Variants in LAP3 observed in about 807,000 individuals in gnomAD.
LAP3 encodes the protein cytosol aminopeptidase.
In LAP3, 46 loss-of-function variants were observed where a neutral mutation model predicts 58.8. The ratio of observed to expected loss-of-function variants is 0.78; its 90% CI spans 0.62 to 1.00. LAP3 has a LOEUF of 1.00. LAP3 is among the 50% of genes least tolerant of loss of function. The pLI is 0.00. For synonymous variants in LAP3, 257 were observed against 237.7 expected, an observed-to-expected ratio of 1.08 and a Z score of -0.75; for missense variants, 615 against 659.1, an observed-to-expected ratio of 0.93 and a Z score of 0.73.
At chr4:17,594,595 G>A (rs1430114437) in intron 7 of LAP3, among the ~76,000 whole-genome samples, 1 of 152,206 alleles carries the variant, frequency 6.6e-6, no homozygotes, top group Non-Finnish European at 1.5e-5. Context: ...CCACTAGCTA[G>A]TTAGAAGCCT....
chr4:17,588,177 A>G lies in LAP3; in HGVS notation c.705-642A>G, dbSNP rs1261291006. Among the ~76,000 whole-genome samples the G allele has an allele frequency of 3.4e-5, 5 of 148,870 alleles. No homozygotes were observed. In the East Asian group the frequency reaches 1.0e-3, roughly 30 times the overall value. ...GCAGTAGCTAGGACAATAGGCAGGC[A>G]CCAACATGCCTGGCTAATTTTTTCT... On this transcript the variant is annotated intron_variant, in intron 6 of 12. Transcript: ENST00000226299.
Position 17,577,612 on chromosome 4 carries a change from C to T in LAP3, c.102+45C>T, listed in dbSNP as rs1348085029. On this transcript the variant is annotated intron_variant, in intron 1 of 12. Transcript: ENST00000226299. The stretch of plus-strand genomic sequence containing the variant: ...TCATGGTCCGCCGCTGGGGCCCTGC[C>T]CGTGGGCTACTGGGGCTGCGGGGCT... 2.8e-6 allele frequency: 4 copies of T among 1,430,078 alleles called. No individual in the cohort carries two copies. The Admixed American group carries it at 8.6e-5, about 31-fold the overall frequency. 88.6% of individuals were successfully genotyped at this position (1,430,078 alleles called of 1,614,324 possible).
intron 10 of LAP3, among the ~76,000 whole-genome samples, chr4:17,603,910 T>C (rs938366582): frequency 1.4e-5 from 2 of 147,498 alleles, no homozygotes; most frequent in African/African-American, 5.1e-5. Flanking sequence ...CACTGCAACC[T>C]CCGCCTCCTG....
At chr4:17,601,851 C>T (rs1228793953) in intron 10 of LAP3, among the ~76,000 whole-genome samples, 1 of 152,122 alleles carries the variant, frequency 6.6e-6, no homozygotes, top group Non-Finnish European at 1.5e-5. Context: ...AAAATATTTT[C>T]TGTTGACTCC....
chr4:17,606,987 CA>C, intron 12 of LAP3, 49 bp downstream of exon 12: 1 of 1,211,264 alleles, frequency 8.3e-7, no homozygotes, highest in Non-Finnish European at 1.2e-6. Context: ...CCTTGATTGC[CA>C]AAATAGCTAT....
chr4:17,582,243 G>A, intron 3 of LAP3, 45 bp from the exon 4 acceptor site: 2 of 1,477,892 alleles, frequency 1.4e-6, no homozygotes, highest in Non-Finnish European at 1.9e-6. Flanking sequence ...GGAAATGAAT[G>A]CTTGAAAGAA....
At position 17,595,483 on chromosome 4, in the gene LAP3, T is replaced by C; in HGVS notation, c.937T>C (p.Cys313Arg). 1.2e-6 allele frequency: 2 copies of C among 1,614,080 alleles called. No homozygotes were observed. Among genetic ancestry groups the C allele is most frequent in the Non-Finnish European group, 1.7e-6 (2 of 1,179,970 alleles). ...RADMGGAATI[C>R]SAIVSAAKLN... ...TGACATGGGAGGAGCTGCAACTATA[T>C]GCTCAGCCATCGTGTCTGCTGCAAA... The change falls in exon 8 of 13, where the codon TGC becomes CGC. Residue 313 changes from cysteine (C) to arginine (R), a missense_variant. Cys to Arg is a radical substitution (Grantham distance 180). Transcript: ENST00000226299.
chr4:17,588,861 C>T lies in LAP3; in HGVS notation c.747C>T (p.Leu249=). The change falls in exon 7 of 13, where the codon CTC becomes CTT. Residue 249 remains leucine, a synonymous_variant. Coordinates refer to ENST00000226299, the MANE Select transcript of LAP3 (RefSeq NM_015907.3). ...WIEEQAMGSF[L]SVAKGSDEPP... ...AGGAACAGGCAATGGGATCATTCCT[C>T]AGTGTGGCCAAAGGATCTGACGAGC... The T allele has an allele frequency of 1.2e-6, 2 of 1,614,136 alleles. No individual in the cohort carries two copies. The highest frequency in any genetic ancestry group is 1.7e-6 in the Non-Finnish European group (2 of 1,180,014).
chr4:17,584,929 C>T (rs1383611031), intron 5 of LAP3, 43 bp from the exon 6 acceptor site: 1 of 1,599,622 alleles, frequency 6.3e-7, no homozygotes, highest in South Asian at 1.1e-5. Context: ...AGTCAGCGTT[C>T]TTGAGAGGTT....
rs1196149206 is a variant in LAP3, at chr4:17,582,394, G to A, written c.379+1G>A. The A allele has an allele frequency of 2.5e-6, 4 of 1,607,866 alleles. No homozygotes were observed. The highest frequency in any genetic ancestry group is 3.4e-6 in the Non-Finnish European group (4 of 1,175,814). On this transcript the variant is annotated splice_donor_variant, in intron 4 of 12. Coordinates refer to ENST00000226299, the MANE Select transcript of LAP3 (RefSeq NM_015907.3). LOFTEE classifies it high-confidence loss of function. ...GAAAACATCAGAGCTGCTGTTGCAG[G>A]TTATTTCACTTTTTAAGTTTAAAGA... is the stretch of plus-strand genomic sequence containing the variant.
At position 17,581,778 on chromosome 4, in the gene LAP3, G is replaced by A. The variant is rs938652022; in HGVS notation, c.237G>A (p.Lys79=). The A allele has an allele frequency of 5.6e-6, 9 of 1,613,938 alleles. No individual in the cohort carries two copies. The highest frequency in any genetic ancestry group is 6.8e-6 in the Non-Finnish European group (8 of 1,179,876). Residue 79 remains lysine (K), a synonymous_variant, in exon 3 of 13, where the codon AAG becomes AAA. Coordinates refer to ENST00000226299, the MANE Select transcript of LAP3 (RefSeq NM_015907.3). ...GTTTTAGATCTGGACCACCTCTGAAGGCAGGGAAGACTCGAACCTTTTATG... is the reference window on the plus strand; with the variant it reads ...GTTTTAGATCTGGACCACCTCTGAAAGCAGGGAAGACTCGAACCTTTTATG... ...ETLNISGPPL[K]AGKTRTFYGL... is the part of the protein sequence containing the mutation.
chr4:17,583,287 A>G, intron 4 of LAP3, 196 bp from the exon 5 acceptor site: 1 of 617,674 alleles, frequency 1.6e-6, no homozygotes, highest in Admixed American at 2.8e-5. Flanking sequence ...ACCACCTGGG[A>G]GTGAGGTACT....
Position 17,588,864 on chromosome 4 carries a change from T to C in LAP3, c.750T>C (p.Ser250=). 6.2e-7 allele frequency: 1 copy of C among 1,614,150 alleles called. No homozygotes were observed. Among genetic ancestry groups the C allele is most frequent in the Non-Finnish European group, 8.5e-7 (1 of 1,180,016 alleles). The part of the protein sequence containing the change: ...IEEQAMGSFL[S]VAKGSDEPPV... The stretch of plus-strand genomic sequence containing the variant: ...AACAGGCAATGGGATCATTCCTCAG[T>C]GTGGCCAAAGGATCTGACGAGCCCC... The change falls in exon 7 of 13, where the codon AGT becomes AGC. Residue 250 remains serine, a synonymous_variant. Transcript: ENST00000226299.
At position 17,581,788 on chromosome 4, in the gene LAP3, A is replaced by G; in HGVS notation, c.247A>G (p.Thr83Ala). The G allele has an allele frequency of 6.2e-7, 1 of 1,613,868 alleles. No individual in the cohort carries two copies. The highest frequency in any genetic ancestry group is 8.5e-7 in the Non-Finnish European group (1 of 1,179,844). ...ISGPPLKAGK[T>A]RTFYGLHQDF... ...TGGACCACCTCTGAAGGCAGGGAAG[A>G]CTCGAACCTTTTATGGTCTGCATCA... is the stretch of plus-strand genomic sequence containing the variant. The change falls in exon 3 of 13, where the codon ACT becomes GCT. Residue 83 changes from threonine (T) to alanine (A), a missense_variant. Thr to Ala is a moderately conservative substitution (Grantham distance 58). Coordinates refer to ENST00000226299, the MANE Select transcript of LAP3 (RefSeq NM_015907.3).
Position 17,607,814 on chromosome 4 carries a change from AATG to A in LAP3, c.*228_*230del. 2.7e-6 allele frequency: 1 copy of A among 372,404 alleles called. No homozygotes were observed. Among genetic ancestry groups the A allele is most frequent in the East Asian group, 4.3e-5 (1 of 23,278 alleles). 23.1% of individuals were successfully genotyped at this position (372,404 alleles called of 1,614,324 possible). A position where few individuals can be genotyped will look rare whatever the true frequency, so the allele number is the denominator to read the frequency against. ...ATAAGGATTTTTAAGATACTCTATA[AATG>A]ATTAAAATTTTTAGAACTTCCTAAT... On this transcript the variant is annotated 3_prime_UTR_variant, in exon 13 of 13. Coordinates refer to ENST00000226299, the MANE Select transcript of LAP3 (RefSeq NM_015907.3).
chr4:17,607,733 GA>G lies in LAP3; in HGVS notation c.*145del, dbSNP rs1714181145. ...GAACACAATGAAATTTGTATGCCTT[GA>G]TTTTTTTTTCATTTCACACAAAGAT... On this transcript the variant is annotated 3_prime_UTR_variant, in exon 13 of 13. Coordinates refer to ENST00000226299, the MANE Select transcript of LAP3 (RefSeq NM_015907.3). 1 of 583,270 alleles carries G rather than the reference GA, an allele frequency of 1.7e-6. No individual in the cohort carries two copies. Among genetic ancestry groups the G allele is most frequent in the Middle Eastern group, 4.8e-4 (1 of 2,094 alleles). The allele number at this position is 583,270 out of a possible 1,614,324, so 36.1% of individuals were successfully genotyped here.
chr4:17,599,711 T>G (rs1274159008), intron 10 of LAP3, among the ~76,000 whole-genome samples: 1 of 152,058 alleles, frequency 6.6e-6, no homozygotes, highest in Non-Finnish European at 1.5e-5. Flanking sequence ...TTTACTTTTT[T>G]TTTTTTTTTC....
Position 17,606,866 on chromosome 4 carries a change from C to G in LAP3, c.1298C>G (p.Pro433Arg). 1 of 1,613,260 alleles carries G rather than the reference C, an allele frequency of 6.2e-7. No homozygotes were observed. The highest frequency in any genetic ancestry group is 8.5e-7 in the Non-Finnish European group (1 of 1,179,926). ...ACAGGGGACCGTGTCTGGAGGATGC[C>G]TCTCTTCGAACATTATACAAGACAG... Reference protein sequence around the residue: ...IETGDRVWRMPLFEHYTRQVV... With the variant: ...IETGDRVWRMRLFEHYTRQVV... Residue 433 changes from proline to arginine, a missense_variant, in exon 12 of 13, where the codon CCT (proline) becomes CGT (arginine). Transcript: ENST00000226299.
intron 1 of LAP3, 42 bp downstream of exon 1, chr4:17,577,609 T>G: frequency 2.0e-3 from 2,357 of 1,166,136 alleles, no homozygotes; most frequent in Non-Finnish European, 2.6e-3. Flanking sequence ...GCTGGGGCCC[T>G]GCCCGTGGGC....
Sources: gnomAD v4.1 joint callset for allele counts (sites outside exome capture counted in the v4.1 genomes callset) on GRCh38, gnomAD v4.1.1 for gene constraint, MANE v1.5 for transcripts, NCBI Gene and HGNC (gene_info 2026-07-23, HGNC 2026-07-21) for gene names.